The following DST variants were observed in gnomAD, a reference collection of about 807,000 sequenced individuals.
DST encodes the protein dystonin, also known as bullous pemphigoid antigen.
A neutral mutation model predicts 875.2 loss-of-function variants in DST; 253 were observed. The observed-to-expected ratio is 0.29, with a 90% confidence interval of 0.26 to 0.32. The LOEUF is 0.32. Ranked by LOEUF, DST falls within the 10% of genes least tolerant of loss-of-function variation. The probability of loss-of-function intolerance (pLI) is 1.00; values close to 1 mark genes in which losing one functional copy is unlikely to be tolerated. For synonymous variants in DST, 3,124 were observed against 3,197.1 expected (o/e 0.98, Z 0.77); for missense variants, 8,287 against 9,111.6 (o/e 0.91, Z 3.68).
In DST at chr6:56,614,424, C is replaced by A. The variant is rs76257231; in HGVS notation, c.4990G>T (p.Val1664Leu). Reference sequence around the variant, plus strand: ...TTCAATGTCTTGCTGATATTTGATACCCATTTTTGCAATTCTTTGGCTTTT... The same window carrying A: ...TTCAATGTCTTGCTGATATTTGATAACCATTTTTGCAATTCTTTGGCTTTT... Reference protein sequence around the residue: ...VEKAKELQKWVSNISKTLKDA... With the variant: ...VEKAKELQKWLSNISKTLKDA... The change falls in exon 37 of 104, where the codon GTA (valine) becomes TTA (leucine). Residue 1664 changes from valine to leucine, a missense_variant. This residue lies in a region of DST where 3,138 missense variants were observed against 3,116.6 expected (regional missense o/e 1.01). Transcript: ENST00000680361. 1.4e-3 allele frequency: 2,252 copies of A among 1,610,612 alleles called. 43 individuals are homozygous for A. The East Asian group carries it at 0.043, about 31-fold the overall frequency.
chr6:56,604,882 C>T lies in DST; in HGVS notation c.9746G>A (p.Ser3249Asn). ...TCCTCCTCCTGAGATGCTTTCTTTACTACAAAGATCATTGCTTTGGATCAT... is the reference window on the plus strand; with the variant it reads ...TCCTCCTCCTGAGATGCTTTCTTTATTACAAAGATCATTGCTTTGGATCAT... Reference protein sequence around the residue: ...NDMIQSNDLCSKESISGGGTE... With the variant: ...NDMIQSNDLCNKESISGGGTE... Residue 3249 changes from serine to asparagine, a missense_variant, in exon 40 of 104, where the codon AGT becomes AAT. By Grantham distance (46) the Ser-to-Asn change is conservative. Coordinates refer to ENST00000680361, the MANE Select transcript of DST (RefSeq NM_001374736.1). 1 of 1,612,592 alleles carries T rather than the reference C, an allele frequency of 6.2e-7. No individual in the cohort carries two copies. The highest frequency in any genetic ancestry group is 1.3e-5 in the African/African-American group (1 of 74,948).
At chr6:56,722,368 GTTTATTTA>G (rs1554672067) in intron 5 of DST, among the ~76,000 whole-genome samples, 9 of 150,708 alleles carry the variant, frequency 6.0e-5, no homozygotes, top group African/African-American at 7.3e-5. Flanking sequence ...GTACATGTTT[GTTTATTTA>G]TTTATTTATT....
At chr6:56,929,850 GAAGAA>G (rs1809216473) in intron 2 of DST, among the ~76,000 whole-genome samples, 1 of 152,112 alleles carries the variant, frequency 6.6e-6, no homozygotes, top group Non-Finnish European at 1.5e-5. Flanking sequence ...CCAAAGAAGA[GAAGAA>G]AAGAAGCATC....
rs533765611 is a variant in DST, at chr6:56,909,397, A to C, written c.217-8776T>G. Among the ~76,000 whole-genome samples, 5 of 152,242 alleles carry C rather than the reference A, an allele frequency of 3.3e-5. No individual in the cohort carries two copies. The East Asian group carries it at 9.7e-4, about 29-fold the overall frequency. ...TAGCATATAAACACTTCCCACAGCC[A>C]CTTCTCCATGCTCTTCTCCTCTTTT... On this transcript the variant is annotated intron_variant, in intron 2 of 103. Coordinates refer to ENST00000680361, the MANE Select transcript of DST (RefSeq NM_001374736.1).
intron 9 of DST, among the ~76,000 whole-genome samples, chr6:56,691,227 G>T (rs997110079): frequency 6.6e-6 from 1 of 152,164 alleles, no homozygotes; most frequent in African/African-American, 2.4e-5. Flanking sequence ...ACATATAGTA[G>T]TCAAGTAGTT....
intron 69 of DST, 97 bp downstream of exon 69, chr6:56,526,264 A>C: frequency 7.9e-7 from 1 of 1,263,208 alleles, no homozygotes; most frequent in East Asian, 2.5e-5. Context: ...ACAGCAAATG[A>C]ATGGAAACAG....
At chr6:56,840,329 T>A (rs2099798476) in intron 4 of DST, among the ~76,000 whole-genome samples, 1 of 152,182 alleles carries the variant, frequency 6.6e-6, no homozygotes. Context: ...TATTACACGG[T>A]ATATACACTG....
chr6:56,928,826 C>G (rs1051177309), intron 2 of DST, among the ~76,000 whole-genome samples: 9 of 151,718 alleles, frequency 5.9e-5, no homozygotes, highest in Non-Finnish European at 1.2e-4. Flanking sequence ...TTTTTAATCA[C>G]AACCAAAATA....
intron 23 of DST, 150 bp downstream of exon 23, chr6:56,636,407 T>C (rs2098826804): frequency 3.0e-6 from 2 of 659,154 alleles, no homozygotes; most frequent in South Asian, 1.6e-5. Flanking sequence ...TGTGTGTATA[T>C]ATATACACAC....
chr6:56,645,929 T>A lies in DST; in HGVS notation c.1715A>T (p.Glu572Val). ...CATGGCAATAATGAGTTTCCCCCAC[T>A]CTTTTTCTATGTCATTTGGATGATA... is the stretch of plus-strand genomic sequence containing the variant. ...QGYHPNDIEK[E>V]WGKLIIAMLE... Residue 572 changes from glutamate to valine, a missense_variant, in exon 15 of 104, where the codon GAG (glutamate) becomes GTG (valine). Physicochemically the swap from Glu to Val is moderately radical, Grantham distance 121. Transcript: ENST00000680361. The A allele has an allele frequency of 6.2e-7, 1 of 1,613,844 alleles. No individual in the cohort carries two copies. Among genetic ancestry groups the A allele is most frequent in the Non-Finnish European group, 8.5e-7 (1 of 1,179,788 alleles).
chr6:56,712,023 G>A (rs1165426879), intron 5 of DST, among the ~76,000 whole-genome samples: 3 of 146,608 alleles, frequency 2.0e-5, no homozygotes, highest in South Asian at 4.3e-4. Flanking sequence ...CCCGGGAGGC[G>A]GAGCTTGCAG....
At position 56,472,084 on chromosome 6, in the gene DST, T is replaced by C. The variant is rs763569325; in HGVS notation, c.22133A>G (p.Asn7378Ser). ...CTCCTCTAGTCTGTCCAAGGCATCA[T>C]TGAGTTTCCTCCTTCTTTCCAACGC... ...LLALERRRKL[N>S]DALDRLEELR... is the part of the protein sequence containing the mutation. Residue 7378 changes from asparagine to serine, a missense_variant, in exon 94 of 104, where the codon AAT becomes AGT. Transcript: ENST00000680361. 56 of 1,613,832 alleles carry C rather than the reference T, an allele frequency of 3.5e-5. No individual in the cohort carries two copies. Among genetic ancestry groups the C allele is most frequent in the Admixed American group, 5.0e-5 (3 of 60,000 alleles).
At chr6:56,819,625 C>T (rs1266358325) in intron 4 of DST, among the ~76,000 whole-genome samples, 3 of 152,114 alleles carry the variant, frequency 2.0e-5, no homozygotes, top group Admixed American at 6.5e-5. Flanking sequence ...TTAAAGGCAA[C>T]ATTAGAAAAT....
intron 5 of DST, among the ~76,000 whole-genome samples, chr6:56,715,135 T>G (rs987073396): frequency 1.3e-5 from 2 of 152,152 alleles, no homozygotes; most frequent in African/African-American, 4.8e-5. Flanking sequence ...CACTCAGCTG[T>G]GGGCTCTTGA....
intron 4 of DST, among the ~76,000 whole-genome samples, chr6:56,829,617 T>C (rs2099784755): frequency 6.6e-6 from 1 of 152,178 alleles, no homozygotes; most frequent in Non-Finnish European, 1.5e-5. Context: ...ATAAATGAGA[T>C]GTATGCCATA....
intron 2 of DST, among the ~76,000 whole-genome samples, chr6:56,951,694 C>G (rs1488027630): frequency 2.6e-5 from 4 of 152,286 alleles, no homozygotes; most frequent in Non-Finnish European, 5.9e-5. Flanking sequence ...TTTATCAAAA[C>G]AGCTTGCTGA....
chr6:56,555,439 C>G lies in DST; in HGVS notation c.15042G>C (p.Leu5014Phe). 2 of 1,614,024 alleles carry G rather than the reference C, an allele frequency of 1.2e-6. No individual in the cohort carries two copies. The highest frequency in any genetic ancestry group is 1.7e-6 in the Non-Finnish European group (2 of 1,179,888). ...AGTACTCTTCTTTAACCAGTGCTGA[C>G]AAATCCTCACAGAGTGCCTGGGCCA... ...IKVAQALCED[L>F]SALVKEEYLK... The change falls in exon 60 of 104, where the codon TTG becomes TTC. Residue 5014 changes from leucine to phenylalanine, a missense_variant. Around this residue, in one of 10 missense-constraint regions of DST, gnomAD observed 1,513 missense variants for 1,677.8 expected, o/e 0.90. Coordinates refer to ENST00000680361, the MANE Select transcript of DST (RefSeq NM_001374736.1).
chr6:56,950,092 T>C (rs1821588642), intron 2 of DST, among the ~76,000 whole-genome samples: 1 of 152,218 alleles, frequency 6.6e-6, no homozygotes, highest in Admixed American at 6.5e-5. Context: ...AGTGACACAA[T>C]TCAACACCAG....
chr6:56,458,799 T>A lies in DST; in HGVS notation c.*206A>T. 1 of 509,890 alleles carries A rather than the reference T, an allele frequency of 2.0e-6. No individual in the cohort carries two copies. Among genetic ancestry groups the A allele is most frequent in the Non-Finnish European group, 3.3e-6 (1 of 305,568 alleles). The allele number at this position is 509,890 out of a possible 1,614,324, so 31.6% of individuals were successfully genotyped here. A position where few individuals can be genotyped will look rare whatever the true frequency, so the allele number is the denominator to read the frequency against. On this transcript the variant is annotated 3_prime_UTR_variant, in exon 104 of 104. Coordinates refer to ENST00000680361, the MANE Select transcript of DST (RefSeq NM_001374736.1). ...TTAGTTCATGTTAAACTTTTCCTCC[T>A]CACATATGATGTGACTTTAACCCCA... is the stretch of plus-strand genomic sequence containing the variant.
Sources: allele counts gnomAD v4.1 joint callset (sites outside exome capture counted in the v4.1 genomes callset), GRCh38; gene constraint gnomAD v4.1.1; regional missense constraint gnomAD v4.1.1; transcripts MANE v1.5; gene names NCBI Gene and HGNC (gene_info 2026-07-23, HGNC 2026-07-21).